SDAD1: variants seen among roughly 807,000 people sequenced by gnomAD.
SDAD1 encodes protein SDA1 homolog.
A neutral mutation model predicts 100.3 loss-of-function variants in SDAD1; 79 were observed. The ratio of observed to expected loss-of-function variants is 0.79; its 90% CI spans 0.66 to 0.95. The LOEUF is 0.95. SDAD1 is among the 40% of genes least tolerant of loss of function. The pLI is 0.00. For missense variants in SDAD1, 790 were observed against 810.9 expected (o/e 0.97, Z 0.31); for synonymous variants, 267 against 271.4 (o/e 0.98, Z 0.16).
chr4:75,965,760 T>G lies in SDAD1; in HGVS notation c.1104+4A>C. 1 of 1,613,430 alleles carries G rather than the reference T, an allele frequency of 6.2e-7. No homozygotes were observed. Among genetic ancestry groups the G allele is most frequent in the African/African-American group, 1.3e-5 (1 of 75,014 alleles). The stretch of plus-strand genomic sequence containing the variant: ...GGTCCAGAAGTCAGGTTACAGGTTC[T>G]CACCTCTGGGGGTACTAGGTGATGA... On this transcript the variant is annotated splice_donor_region_variant and intron_variant, in intron 13 of 21. Transcript: ENST00000356260.
rs35320227 is a variant in SDAD1, at chr4:75,984,778, AACACACACAC to A, written c.91-2751_91-2742del. 2.5e-3 allele frequency among the ~76,000 whole-genome samples: 347 copies of A among 137,028 alleles called. 3 individuals carry two copies. The highest frequency in any genetic ancestry group is 0.011 in the Middle Eastern group (3 of 268). 89.9% of individuals were successfully genotyped at this position (137,028 alleles called of 152,430 possible). A position where few individuals can be genotyped will look rare whatever the true frequency, so the allele number is the denominator to read the frequency against. ...TATGTGACATACACACACACACACA[AACACACACAC>A]ACACACACACACACACACACACACT... is the stretch of plus-strand genomic sequence containing the variant. On this transcript the variant is annotated intron_variant, in intron 1 of 21. Transcript: ENST00000356260.
intron 1 of SDAD1, among the ~76,000 whole-genome samples, chr4:75,985,977 T>C (rs1730869156): frequency 6.6e-6 from 1 of 152,202 alleles, no homozygotes; most frequent in African/African-American, 2.4e-5. Context: ...TCCATGCGTA[T>C]ACTTCAACTC....
chr4:75,950,140 G>C lies in SDAD1; in HGVS notation c.*610C>G, dbSNP rs1466306615. The C allele has an allele frequency of 2.9e-5, 4 of 136,856 alleles. No homozygotes were observed. The highest frequency in any genetic ancestry group is 7.9e-5 in the African/African-American group (3 of 37,822). The allele number at this position is 136,856 out of a possible 1,614,324, so 8.5% of individuals were successfully genotyped here. ...AACAAAAACAAAAAAAACACGGGGG[G>C]GGGGGGGTCACTTAAATCTCTTGGA... On this transcript the variant is annotated 3_prime_UTR_variant, in exon 22 of 22. Transcript: ENST00000356260.
At chr4:75,986,503 C>T (rs776472719) in intron 1 of SDAD1, among the ~76,000 whole-genome samples, 2 of 152,130 alleles carry the variant, frequency 1.3e-5, no homozygotes. Context: ...TCTCCTGTGC[C>T]CATATACTTT....
intron 11 of SDAD1, among the ~76,000 whole-genome samples, chr4:75,967,985 T>C (rs1729643698): frequency 6.6e-6 from 1 of 152,204 alleles, no homozygotes; most frequent in Admixed American, 6.5e-5. Context: ...TTTCAAGGTA[T>C]ATCAGTTAGG....
chr4:75,957,912 C>A lies in SDAD1; in HGVS notation c.1513G>T (p.Glu505Ter). ...DGWESTSLSEEEDADGEWIDV... is the reference protein window; with the variant it reads ...DGWESTSLSE ...ATCCATTCACCATCAGCATCCTCCT[C>A]CTCACTGAGACTGGTACTTTCCCAT... The change falls in exon 18 of 22, where the codon GAG (glutamate) becomes TAG (stop). Residue 505 changes from glutamate (E) to a stop codon, truncating the protein, a stop_gained. Transcript: ENST00000356260. LOFTEE classifies it high-confidence loss of function. 6.2e-7 allele frequency: 1 copy of A among 1,613,116 alleles called. No individual in the cohort carries two copies. Among genetic ancestry groups the A allele is most frequent in the Non-Finnish European group, 8.5e-7 (1 of 1,180,028 alleles).
At position 75,957,912 on chromosome 4, in the gene SDAD1, C is replaced by T. The variant is rs1560536867; in HGVS notation, c.1513G>A (p.Glu505Lys). ...ATCCATTCACCATCAGCATCCTCCT[C>T]CTCACTGAGACTGGTACTTTCCCAT... is the stretch of plus-strand genomic sequence containing the variant. ...DGWESTSLSE[E>K]EDADGEWIDV... The change falls in exon 18 of 22, where the codon GAG becomes AAG. Residue 505 changes from glutamate (E) to lysine (K), a missense_variant. Transcript: ENST00000356260. 6.2e-7 allele frequency: 1 copy of T among 1,613,116 alleles called. No homozygotes were observed. The highest frequency in any genetic ancestry group is 1.7e-5 in the Admixed American group (1 of 60,024).
intron 14 of SDAD1, 148 bp from the exon 15 acceptor site, chr4:75,961,456 G>C: frequency 1.6e-6 from 1 of 609,992 alleles, no homozygotes; most frequent in Non-Finnish European, 2.9e-6. Context: ...GCATGTTAGA[G>C]AATGTCAGGT....
intron 1 of SDAD1, among the ~76,000 whole-genome samples, chr4:75,984,109 G>A (rs543256104): frequency 1.2e-3 from 179 of 150,918 alleles, no homozygotes; most frequent in Non-Finnish European, 1.9e-3. Context: ...GATGTGTGGC[G>A]TTATTTCTGA....
chr4:75,971,250 T>C (rs1729848788), intron 9 of SDAD1, 107 bp downstream of exon 9: 1 of 727,058 alleles, frequency 1.4e-6, no homozygotes, highest in African/African-American at 1.8e-5. Context: ...CATTTCTAAG[T>C]ATTCTGAAAA....
chr4:75,961,848 C>T (rs531450244), intron 14 of SDAD1, among the ~76,000 whole-genome samples: 1 of 138,504 alleles, frequency 7.2e-6, no homozygotes, highest in South Asian at 2.4e-4. Flanking sequence ...AAACTCATGT[C>T]GAAACTTAAT....
At chr4:75,977,597 T>TCC in intron 4 of SDAD1, 49 bp downstream of exon 4, 4 of 1,193,936 alleles carry the variant, frequency 3.4e-6, no homozygotes, top group Non-Finnish European at 5.0e-6. Flanking sequence ...CAACAAAATT[T>TCC]TATGTCGCCT....
chr4:75,956,274 C>T, intron 20 of SDAD1, 138 bp from the exon 21 acceptor site: 2 of 860,928 alleles, frequency 2.3e-6, no homozygotes, highest in Non-Finnish European at 1.8e-6. Flanking sequence ...AGTCTTTGCT[C>T]CTTGGGACCA....
In SDAD1 at chr4:75,965,825, GAAAACA is replaced by G; in HGVS notation, c.1046-9_1046-4del. On this transcript the variant is annotated splice_region_variant and splice_polypyrimidine_tract_variant and intron_variant, in intron 12 of 21. Coordinates refer to ENST00000356260, the MANE Select transcript of SDAD1 (RefSeq NM_018115.4). ...AAACAGAAGGATCTTGGTTACTTCT[GAAAACA>G]TAAGAGAACAGAAAGGTCATGGTCA... is the stretch of plus-strand genomic sequence containing the variant. 6.2e-7 allele frequency: 1 copy of G among 1,613,018 alleles called. No homozygotes were observed. Among genetic ancestry groups the G allele is most frequent in the Non-Finnish European group, 8.5e-7 (1 of 1,179,386 alleles).
chr4:75,973,451 C>T, intron 7 of SDAD1, 60 bp from the exon 8 acceptor site: 2 of 1,231,754 alleles, frequency 1.6e-6, no homozygotes, highest in Non-Finnish European at 2.4e-6. Flanking sequence ...AGAATAAATC[C>T]TTTTGAGTAT....
chr4:75,985,167 T>C (rs543981746), intron 1 of SDAD1, among the ~76,000 whole-genome samples: 1 of 152,034 alleles, frequency 6.6e-6, no homozygotes, highest in East Asian at 1.9e-4. Context: ...AGGACTAATC[T>C]CATTACACCC....
intron 1 of SDAD1, 114 bp downstream of exon 1, chr4:75,990,638 C>G: frequency 6.3e-7 from 1 of 1,599,806 alleles, no homozygotes; most frequent in Non-Finnish European, 8.5e-7. Flanking sequence ...ACCCCTGAAC[C>G]TAACAGAAGA....
intron 12 of SDAD1, among the ~76,000 whole-genome samples, chr4:75,966,135 A>G (rs1001001802): frequency 1.8e-4 from 27 of 152,174 alleles, no homozygotes; most frequent in African/African-American, 5.6e-4. Context: ...TATATATAGC[A>G]CATCTACATC....
chr4:75,980,031 T>C (rs1730409081), intron 3 of SDAD1, among the ~76,000 whole-genome samples: 1 of 152,158 alleles, frequency 6.6e-6, no homozygotes, highest in African/African-American at 2.4e-5. Context: ...CAGACCAGTT[T>C]GGTGGGGTAC....
Sources: allele counts gnomAD v4.1 joint callset (sites outside exome capture counted in the v4.1 genomes callset), GRCh38; gene constraint gnomAD v4.1.1; transcripts MANE v1.5; gene names NCBI Gene and HGNC (gene_info 2026-07-23, HGNC 2026-07-21).